KLRC3: variants seen among roughly 807,000 people sequenced by gnomAD.
The protein encoded by KLRC3 is NKG2-E type II integral membrane protein.
KLRC3 carries 16 observed loss-of-function variants against 23.6 expected under a neutral mutation model. That is an observed-to-expected ratio of 0.68 (90% confidence interval 0.46 to 1.03). The LOEUF is 1.03. KLRC3 is among the 50% of genes least tolerant of loss of function. The pLI is 0.00. For missense variants in KLRC3, 209 were observed against 232.2 expected, an observed-to-expected ratio of 0.90 and a Z score of 0.65; for synonymous variants, 70 against 71.8, an observed-to-expected ratio of 0.98 and a Z score of 0.13.
Position 10,418,395 on chromosome 12 carries a change from A to G in KLRC3, c.435T>C (p.Cys145=). 6.2e-7 allele frequency: 1 copy of G among 1,612,294 alleles called. No homozygotes were observed. The highest frequency in any genetic ancestry group is 8.5e-7 in the Non-Finnish European group (1 of 1,178,448). The part of the protein sequence containing the change: ...RRTWEESLQA[C]ASKNSSSLLC... ...GCAGACTAGAAGAGTTCTTTGAAGC[A>G]CAGGCCTGCAAACTCTCTTCCCAAG... The change falls in exon 4 of 7, where the codon TGT becomes TGC. Residue 145 remains cysteine, a synonymous_variant. Coordinates refer to ENST00000396439, the MANE Select transcript of KLRC3 (RefSeq NM_002261.3).
intron 4 of KLRC3, among the ~76,000 whole-genome samples, chr12:10,417,509 T>C (rs1591600999): frequency 6.6e-6 from 1 of 151,284 alleles, no homozygotes; most frequent in South Asian, 2.1e-4. Flanking sequence ...CGAAGGAGAG[T>C]CCCCTCCACA....
At chr12:10,415,458 A>G in intron 6 of KLRC3, 1 of 585,200 alleles carries the variant, frequency 1.7e-6, no homozygotes, top group South Asian at 2.5e-5. Context: ...ACTTTTAGGA[A>G]GCCTGAATGC....
rs1863672754 is a variant in KLRC3 at position 10,418,276 on chromosome 12, GT to G, written c.486+67del. On this transcript the variant is annotated intron_variant, in intron 4 of 6. Coordinates refer to ENST00000396439, the MANE Select transcript of KLRC3 (RefSeq NM_002261.3). Reference sequence around the variant, plus strand: ...TAAATATATGTACACACATATGGATGTTTTCTACAAATGTATTATTCACTGA... The same window carrying G: ...TAAATATATGTACACACATATGGATGTTTCTACAAATGTATTATTCACTGA... 3.5e-6 allele frequency: 5 copies of G among 1,422,732 alleles called. No homozygotes were observed. The Admixed American group carries it at 9.2e-5, about 26-fold the overall frequency. The allele number at this position is 1,422,732 out of a possible 1,614,324, so 88.1% of individuals were successfully genotyped here. A position where few individuals can be genotyped will look rare whatever the true frequency, so the allele number is the denominator to read the frequency against.
intron 6 of KLRC3, 29 bp from the exon 7 acceptor site, chr12:10,412,645 A>G: frequency 1.4e-6 from 1 of 698,118 alleles, no homozygotes; most frequent in Non-Finnish European, 2.6e-6. Context: ...ATTAGCCAGC[A>G]TGATGGTATT....
chr12:10,415,036 A>T (rs1476696659), intron 6 of KLRC3, among the ~76,000 whole-genome samples: 1 of 152,086 alleles, frequency 6.6e-6, no homozygotes, highest in Admixed American at 6.6e-5. Flanking sequence ...ATTAAAGAAA[A>T]CCCCATACAT....
At chr12:10,416,471 C>A (rs1863645265) in intron 5 of KLRC3, among the ~76,000 whole-genome samples, 196 bp downstream of exon 5, 1 of 152,212 alleles carries the variant, frequency 6.6e-6, no homozygotes. Context: ...ATCTCATAAC[C>A]AAGAAAGTTA....
intron 4 of KLRC3, among the ~76,000 whole-genome samples, chr12:10,417,766 A>G (rs960127542): frequency 9.9e-5 from 15 of 152,234 alleles, no homozygotes; most frequent in Non-Finnish European, 2.1e-4. Flanking sequence ...TTCTTTGTAC[A>G]TAGTACAGCA....
chr12:10,413,248 T>A lies in KLRC3; in HGVS notation c.679-632A>T, dbSNP rs184888670. On this transcript the variant is annotated intron_variant, in intron 6 of 6. Transcript: ENST00000396439. ...CAAAAATCTGAGAACCTTATATGGT[T>A]TTTAATTCAGTAATATATGTCAAAA... Among the ~76,000 whole-genome samples, 117 of 152,296 alleles carry A rather than the reference T, an allele frequency of 7.7e-4. 1 individual carries two copies. In the East Asian group the frequency reaches 0.018, roughly 23 times the overall value.
chr12:10,416,602 T>C (rs1863647506), intron 5 of KLRC3, 65 bp downstream of exon 5: 1 of 1,508,526 alleles, frequency 6.6e-7, no homozygotes, highest in Non-Finnish European at 9.0e-7. Flanking sequence ...CATAGATTTA[T>C]TCATATTATT....
At chr12:10,413,562 C>T (rs1863600719) in intron 6 of KLRC3, among the ~76,000 whole-genome samples, 1 of 151,986 alleles carries the variant, frequency 6.6e-6, no homozygotes, top group Admixed American at 6.6e-5. Flanking sequence ...AACTTTTCTA[C>T]AAAAATAGCC....
intron 6 of KLRC3, among the ~76,000 whole-genome samples, chr12:10,413,708 C>T (rs1863603073): frequency 6.6e-6 from 1 of 152,000 alleles, no homozygotes; most frequent in Non-Finnish European, 1.5e-5. Flanking sequence ...ATAGATGTGC[C>T]ATGTTGGTGT....
intron 3 of KLRC3, 78 bp from the exon 4 acceptor site, chr12:10,418,576 A>C: frequency 1.4e-6 from 2 of 1,413,304 alleles, no homozygotes; most frequent in Non-Finnish European, 1.9e-6. Flanking sequence ...TTGCAACAGT[A>C]TAAACATATA....
intron 5 of KLRC3, among the ~76,000 whole-genome samples, chr12:10,416,083 T>G (rs1863638791): frequency 6.6e-6 from 1 of 152,120 alleles, no homozygotes; most frequent in Admixed American, 6.5e-5. Context: ...ATTTAAAAAT[T>G]AGGCACAATA....
chr12:10,416,690 T>G lies in KLRC3; in HGVS notation c.564A>C (p.Ile188=), dbSNP rs1205064951. The G allele has an allele frequency of 6.2e-7, 1 of 1,611,010 alleles. No individual in the cohort carries two copies. The highest frequency in any genetic ancestry group is 1.7e-5 in the Admixed American group (1 of 59,948). The change falls in exon 5 of 7, where the codon ATA becomes ATC. Residue 188 remains isoleucine (I), a synonymous_variant. Transcript: ENST00000396439. ...ACTCATGTTTGAAAGCCAAACCATT[T>G]ATTGTCACCCATGGATGATGACTGC... ...RNSSHHPWVT[I]NGLAFKHEIK...
chr12:10,413,951 C>T (rs1228697155), intron 6 of KLRC3, among the ~76,000 whole-genome samples: 1 of 152,096 alleles, frequency 6.6e-6, no homozygotes, highest in Non-Finnish European at 1.5e-5. Flanking sequence ...CTGCAGAGGA[C>T]ATGAACTCAT....
At chr12:10,414,389 A>G (rs1863610873) in intron 6 of KLRC3, among the ~76,000 whole-genome samples, 1 of 152,122 alleles carries the variant, frequency 6.6e-6, no homozygotes, top group African/African-American at 2.4e-5. Flanking sequence ...CAAACTTTGT[A>G]AATATGAATA....
At chr12:10,415,017 T>C (rs1010943010) in intron 6 of KLRC3, among the ~76,000 whole-genome samples, 2 of 152,028 alleles carry the variant, frequency 1.3e-5, no homozygotes, top group African/African-American at 4.8e-5. Context: ...CATAATATGA[T>C]AGAGAGAAAT....
Position 10,415,660 on chromosome 12 carries a change from T to C in KLRC3, c.678+44A>G, listed in dbSNP as rs200631653. 2.5e-6 allele frequency: 4 copies of C among 1,611,804 alleles called. No homozygotes were observed. In the Admixed American group the frequency reaches 6.7e-5, roughly 27 times the overall value. On this transcript the variant is annotated intron_variant, in intron 6 of 6. Coordinates refer to ENST00000396439, the MANE Select transcript of KLRC3 (RefSeq NM_002261.3). ...TGAACAAATATAAAATTTTATCTGATGCACTGCAAGCTCAAGCGCTTTAAT... is the reference window on the plus strand; with the variant it reads ...TGAACAAATATAAAATTTTATCTGACGCACTGCAAGCTCAAGCGCTTTAAT...
intron 6 of KLRC3, among the ~76,000 whole-genome samples, chr12:10,414,198 C>T (rs1319180208): frequency 2.0e-5 from 3 of 151,768 alleles, no homozygotes; most frequent in East Asian, 1.9e-4. Context: ...GGATTTGTTT[C>T]GGAAACAAAG....
Sources: gnomAD v4.1 joint callset for allele counts (sites outside exome capture counted in the v4.1 genomes callset) on GRCh38, gnomAD v4.1.1 for gene constraint, MANE v1.5 for transcripts, NCBI Gene and HGNC (gene_info 2026-07-23, HGNC 2026-07-21) for gene names.